MAGI3: variants seen among roughly 807,000 people sequenced by gnomAD.
MAGI3 encodes membrane associated guanylate kinase, WW and PDZ domain containing 3.
In MAGI3, 43 loss-of-function variants were observed where a neutral mutation model predicts 121.8. That is an observed-to-expected ratio of 0.35 (90% CI 0.28 to 0.46). The LOEUF is 0.46. Among genes scored for constraint, MAGI3 ranks in the 20% least tolerant of loss-of-function variants. The pLI is 1.00. For missense variants in MAGI3, 1,547 were observed against 1,797.3 expected (o/e 0.86, Z 2.52); for synonymous variants, 553 against 639.3 (o/e 0.86, Z 2.04).
At chr1:113,505,527 T>TAAATAAAC (rs1657279897) in intron 1 of MAGI3, among the ~76,000 whole-genome samples, 1 of 146,124 alleles carries the variant, frequency 6.8e-6, no homozygotes, top group African/African-American at 2.5e-5. Context: ...AATAAATAAA[T>TAAATAAAC]AAATAAATAA....
intron 1 of MAGI3, among the ~76,000 whole-genome samples, chr1:113,407,219 A>G (rs1328635355): frequency 6.6e-6 from 1 of 152,188 alleles, no homozygotes; most frequent in Non-Finnish European, 1.5e-5. Flanking sequence ...GCAAGAGTGG[A>G]AGAAGGGAAA....
At chr1:113,454,643 C>T (rs923882453) in intron 1 of MAGI3, among the ~76,000 whole-genome samples, 1 of 152,154 alleles carries the variant, frequency 6.6e-6, no homozygotes, top group South Asian at 2.1e-4. Flanking sequence ...TATCCCTCCC[C>T]TAGCCCCCCA....
chr1:113,430,882 A>G (rs975057286), intron 1 of MAGI3, among the ~76,000 whole-genome samples: 2 of 152,240 alleles, frequency 1.3e-5, no homozygotes, highest in African/African-American at 4.8e-5. Context: ...CAGTCAAGAA[A>G]ACATTAATTG....
intron 1 of MAGI3, among the ~76,000 whole-genome samples, chr1:113,416,208 T>TATTAATTATGTAATTAATGACAC (rs1652343954): frequency 1.0e-5 from 1 of 95,986 alleles, no homozygotes; most frequent in African/African-American, 3.1e-5. Flanking sequence ...TAATGACACA[T>TATTAATTATGTAATTAATGACAC]ATTATTATGT....
chr1:113,553,242 G>C (rs906230144), intron 2 of MAGI3, among the ~76,000 whole-genome samples: 2 of 152,158 alleles, frequency 1.3e-5, no homozygotes, highest in African/African-American at 4.8e-5. Context: ...AGGAGGGAGA[G>C]TCCAGGCAGA....
At position 113,533,546 on chromosome 1, in the gene MAGI3, C is replaced by T. The variant is rs187787205; in HGVS notation, c.317-15969C>T. Among the ~76,000 whole-genome samples, 5 of 152,150 alleles carry T rather than the reference C, an allele frequency of 3.3e-5. No individual in the cohort carries two copies. The East Asian group carries it at 9.7e-4, about 29-fold the overall frequency. ...CCATACTCCAGTGTCACTCAATTTA[C>T]CCATGTAACAAACCTGCACGTGTAT... On this transcript the variant is annotated intron_variant, in intron 1 of 20. Coordinates refer to ENST00000307546, the MANE Select transcript of MAGI3 (RefSeq NM_001142782.2).
rs760983124 is a variant in MAGI3 at position 113,650,915 on chromosome 1, C to CA, written c.2248-94dup. 1.4e-5 allele frequency: 15 copies of CA among 1,093,020 alleles called. No individual in the cohort carries two copies. In the East Asian group the frequency reaches 3.5e-4, roughly 25 times the overall value. 67.7% of individuals were successfully genotyped at this position (1,093,020 alleles called of 1,614,324 possible). A position where few individuals can be genotyped will look rare whatever the true frequency, so the allele number is the denominator to read the frequency against. ...TATAACTGTTTTCATAGTTGAACTG[C>CA]AAAAATCTGTTGGTTTGCACAATGC... On this transcript the variant is annotated intron_variant, in intron 13 of 20. Coordinates refer to ENST00000307546, the MANE Select transcript of MAGI3 (RefSeq NM_001142782.2).
intron 1 of MAGI3, among the ~76,000 whole-genome samples, chr1:113,493,147 A>G (rs1432340673): frequency 6.6e-6 from 1 of 152,228 alleles, no homozygotes; most frequent in South Asian, 2.1e-4. Context: ...ACCGTACTAC[A>G]GGGCTACAGT....
intron 1 of MAGI3, among the ~76,000 whole-genome samples, chr1:113,439,846 A>G (rs1343995856): frequency 1.3e-5 from 2 of 152,210 alleles, no homozygotes; most frequent in African/African-American, 4.8e-5. Context: ...ACTGAAATTA[A>G]TTAATTTCCC....
At chr1:113,573,075 GC>G (rs1302811067) in intron 2 of MAGI3, among the ~76,000 whole-genome samples, 4 of 151,972 alleles carry the variant, frequency 2.6e-5, no homozygotes, top group Admixed American at 1.3e-4. Flanking sequence ...ACAGGTGCCC[GC>G]CACTACACCC....
intron 6 of MAGI3, among the ~76,000 whole-genome samples, chr1:113,610,632 C>T (rs1486206642): frequency 6.6e-6 from 1 of 152,144 alleles, no homozygotes. Flanking sequence ...TCATCCTCGC[C>T]TTTCCCTCAC....
rs139734706 is a variant in MAGI3 at position 113,530,144 on chromosome 1, A to G, written c.317-19371A>G. 5.8e-4 allele frequency among the ~76,000 whole-genome samples: 88 copies of G among 152,240 alleles called. No individual in the cohort carries two copies. In the East Asian group the frequency reaches 0.014, roughly 25 times the overall value. The stretch of plus-strand genomic sequence containing the variant: ...CATTTTTGTTCTTTTCTCAATATAA[A>G]TGTCCATTTCCTCACATTTTATTTT... On this transcript the variant is annotated intron_variant, in intron 1 of 20. Coordinates refer to ENST00000307546, the MANE Select transcript of MAGI3 (RefSeq NM_001142782.2).
At chr1:113,611,233 C>G (rs1361785634) in intron 6 of MAGI3, among the ~76,000 whole-genome samples, 2 of 151,730 alleles carry the variant, frequency 1.3e-5, no homozygotes, top group Non-Finnish European at 1.5e-5. Context: ...ATTACAGGAA[C>G]CTACCACCAC....
chr1:113,454,866 C>T (rs1057224503), intron 1 of MAGI3, among the ~76,000 whole-genome samples: 17 of 152,108 alleles, frequency 1.1e-4, no homozygotes, highest in Admixed American at 1.1e-3. Context: ...CATCATCATC[C>T]TTATCAACCT....
intron 1 of MAGI3, among the ~76,000 whole-genome samples, chr1:113,421,108 T>C (rs1652712972): frequency 6.6e-6 from 1 of 152,178 alleles, no homozygotes; most frequent in African/African-American, 2.4e-5. Context: ...TCTGGCATAG[T>C]GCAGCATCAT....
chr1:113,683,890 C>T lies in MAGI3; in HGVS notation c.4322C>T (p.Thr1441Ile). ...ELEAADKNKE[T>I]GRFKPESSSP... ...GAGGCAGCTGACAAAAACAAAGAGA[C>T]TGGAAGGTTCAAACCGGAAAGCAGT... Residue 1441 changes from threonine to isoleucine, a missense_variant, in exon 21 of 21, where the codon ACT becomes ATT. Physicochemically the swap from Thr to Ile is moderately conservative, Grantham distance 89 (BLOSUM62 -1). Transcript: ENST00000307546. The T allele has an allele frequency of 1.2e-6, 2 of 1,612,454 alleles. No homozygotes were observed. The highest frequency in any genetic ancestry group is 4.5e-5 in the East Asian group (2 of 44,860).
In MAGI3 at chr1:113,641,540, A is replaced by T. The variant is rs111772343; in HGVS notation, c.1361-371A>T. On this transcript the variant is annotated intron_variant, in intron 9 of 20. Coordinates refer to ENST00000307546, the MANE Select transcript of MAGI3 (RefSeq NM_001142782.2). ...TACAGTTTGTACAAGTAGTCAGTGGAGTTATTTGCTTCTGTACTAAATACC... is the reference window on the plus strand; with the variant it reads ...TACAGTTTGTACAAGTAGTCAGTGGTGTTATTTGCTTCTGTACTAAATACC... Among the ~76,000 whole-genome samples the T allele has an allele frequency of 3.5e-3, 535 of 152,118 alleles. 2 individuals carry two copies. Among genetic ancestry groups the T allele is most frequent in the Non-Finnish European group, 5.2e-3 (356 of 67,996 alleles).
intron 5 of MAGI3, among the ~76,000 whole-genome samples, chr1:113,591,889 A>G (rs1648711966): frequency 6.6e-6 from 1 of 152,194 alleles, no homozygotes; most frequent in Admixed American, 6.5e-5. Context: ...TAAATTAAAG[A>G]GGGAGAATTT....
chr1:113,420,246 C>T (rs558933192), intron 1 of MAGI3, among the ~76,000 whole-genome samples: 2 of 152,302 alleles, frequency 1.3e-5, no homozygotes, highest in Admixed American at 1.3e-4. Context: ...GCCTTAGACC[C>T]TTGCCAACCC....
Sources: gnomAD v4.1 joint callset for allele counts (sites outside exome capture counted in the v4.1 genomes callset) on GRCh38, gnomAD v4.1.1 for gene constraint, MANE v1.5 for transcripts, NCBI Gene and HGNC (gene_info 2026-07-23, HGNC 2026-07-21) for gene names.